The following ATP6V0A2 variants were observed in gnomAD, a reference collection of about 807,000 sequenced individuals.
ATP6V0A2 encodes the protein V-type proton ATPase 116 kDa subunit a 2.
ATP6V0A2 carries 58 observed loss-of-function variants against 104.4 expected under a neutral mutation model. That is an observed-to-expected ratio of 0.56 (90% CI 0.45 to 0.69). ATP6V0A2 has a LOEUF of 0.69. Ranked by LOEUF, ATP6V0A2 falls within the 30% of genes least tolerant of loss-of-function variation. ATP6V0A2 has a pLI of 0.00. For synonymous variants in ATP6V0A2, 376 were observed against 397.9 expected, an observed-to-expected ratio of 0.95 and a Z score of 0.65; for missense variants, 938 against 1,062.9, an observed-to-expected ratio of 0.88 and a Z score of 1.63.
At chr12:123,743,958 A>G (rs771642669) in intron 10 of ATP6V0A2, 23 bp downstream of exon 10, 7 of 1,613,896 alleles carry the variant, frequency 4.3e-6, no homozygotes, top group Middle Eastern at 3.3e-4. Flanking sequence ...ATTTGTAAAT[A>G]CCCGTATTTC....
chr12:123,743,810 C>G lies in ATP6V0A2; in HGVS notation c.1064C>G (p.Ser355Ter). 6.2e-7 allele frequency: 1 copy of G among 1,614,154 alleles called. No individual in the cohort carries two copies. The highest frequency in any genetic ancestry group is 8.5e-7 in the Non-Finnish European group (1 of 1,180,002). ...AGAGAGAGTGGTGCTACAATCCCCT[C>G]ATTCATGAATATAATCCCCACAAAA... ...GSRESGATIP[S>*]FMNIIPTKET... is the part of the protein sequence containing the mutation. The change falls in exon 10 of 20, where the codon TCA becomes TGA. Residue 355 changes from serine to a stop codon, truncating the protein, a stop_gained. Coordinates refer to ENST00000330342, the MANE Select transcript of ATP6V0A2 (RefSeq NM_012463.4). LOFTEE classifies it high-confidence loss of function.
In ATP6V0A2 at chr12:123,724,642, GT is replaced by G. The variant is rs773252881; in HGVS notation, c.295-8del. The stretch of plus-strand genomic sequence containing the variant: ...ATTACTACCCTCTTAAGTAACCATT[GT>G]TTTGTTTTAGGAGCAGTTGCAGAAG... On this transcript the variant is annotated splice_polypyrimidine_tract_variant and intron_variant, in intron 3 of 19. Coordinates refer to ENST00000330342, the MANE Select transcript of ATP6V0A2 (RefSeq NM_012463.4). 1 of 1,612,986 alleles carries G rather than the reference GT, an allele frequency of 6.2e-7. No homozygotes were observed. The highest frequency in any genetic ancestry group is 8.5e-7 in the Non-Finnish European group (1 of 1,179,288).
chr12:123,719,607 G>A (rs1367298872), intron 2 of ATP6V0A2, among the ~76,000 whole-genome samples: 2 of 151,732 alleles, frequency 1.3e-5, no homozygotes, highest in Non-Finnish European at 2.9e-5. Flanking sequence ...GGCTGGTCTT[G>A]AACTCCTTGT....
At chr12:123,757,018 T>C (rs1370650333) in intron 19 of ATP6V0A2, 32 bp downstream of exon 19, 4 of 1,613,414 alleles carry the variant, frequency 2.5e-6, no homozygotes, top group Non-Finnish European at 3.4e-6. Flanking sequence ...GGAGCTGTTA[T>C]TTAAAAAACA....
intron 9 of ATP6V0A2, among the ~76,000 whole-genome samples, chr12:123,741,078 C>T (rs1430737345): frequency 1.3e-5 from 2 of 151,980 alleles, no homozygotes; most frequent in African/African-American, 4.8e-5. Flanking sequence ...TGGCTTTTTT[C>T]TTCTTATGAC....
chr12:123,754,638 A>G, intron 18 of ATP6V0A2, 101 bp downstream of exon 18: 6 of 834,066 alleles, frequency 7.2e-6, no homozygotes, highest in Non-Finnish European at 1.2e-5. Context: ...TAGTCATAGC[A>G]CCATCTTTCA....
intron 2 of ATP6V0A2, among the ~76,000 whole-genome samples, chr12:123,720,759 T>C (rs1956391642): frequency 1.3e-5 from 2 of 151,938 alleles, no homozygotes; most frequent in Non-Finnish European, 2.9e-5. Flanking sequence ...CCAGGCATGG[T>C]GGTGCACATA....
intron 5 of ATP6V0A2, among the ~76,000 whole-genome samples, chr12:123,726,936 T>C (rs1015832268): frequency 4.6e-5 from 7 of 152,212 alleles, no homozygotes; most frequent in Admixed American, 3.9e-4. Flanking sequence ...GAATGTGAAT[T>C]TAAGCCTCAA....
In ATP6V0A2 at chr12:123,712,476, G is replaced by A. The variant is rs1444464255; in HGVS notation, c.-90G>A. 1.2e-6 allele frequency: 1 copy of A among 800,598 alleles called. No individual in the cohort carries two copies. The highest frequency in any genetic ancestry group is 1.9e-5 in the African/African-American group (1 of 53,468). 49.6% of individuals were successfully genotyped at this position (800,598 alleles called of 1,614,324 possible). On this transcript the variant is annotated 5_prime_UTR_variant, in exon 1 of 20. Transcript: ENST00000330342. The stretch of plus-strand genomic sequence containing the variant: ...CGGCCAGGCCACAGGAAGAGCTCGA[G>A]GCCCGGGCCGCACCGGCTGAGTGTG...
At chr12:123,746,112 A>G (rs1264056265) in intron 13 of ATP6V0A2, among the ~76,000 whole-genome samples, 1 of 152,214 alleles carries the variant, frequency 6.6e-6, no homozygotes, top group African/African-American at 2.4e-5. Flanking sequence ...TTGGAGCCAA[A>G]TTCAGTAATA....
intron 13 of ATP6V0A2, among the ~76,000 whole-genome samples, chr12:123,747,219 G>A (rs530252053): frequency 6.6e-6 from 1 of 152,312 alleles, no homozygotes; most frequent in South Asian, 2.1e-4. Flanking sequence ...ATGTAAATGT[G>A]TGATAACACA....
chr12:123,758,128 C>G lies in ATP6V0A2; in HGVS notation c.*96C>G. On this transcript the variant is annotated 3_prime_UTR_variant, in exon 20 of 20. Coordinates refer to ENST00000330342, the MANE Select transcript of ATP6V0A2 (RefSeq NM_012463.4). The stretch of plus-strand genomic sequence containing the variant: ...AGATTTATGATAGGAAAAATTCCAT[C>G]TTCATTACTGCCTTATGACATAGCC... 1 of 847,348 alleles carries G rather than the reference C, an allele frequency of 1.2e-6. No homozygotes were observed. Among genetic ancestry groups the G allele is most frequent in the Non-Finnish European group, 2.0e-6 (1 of 504,434 alleles). The allele number at this position is 847,348 out of a possible 1,614,324, so 52.5% of individuals were successfully genotyped here.
chr12:123,726,994 C>T (rs563464854), intron 5 of ATP6V0A2, among the ~76,000 whole-genome samples: 16 of 152,332 alleles, frequency 1.1e-4, no homozygotes, highest in African/African-American at 3.8e-4. Flanking sequence ...GGGAAGACTT[C>T]TCCCTCCATC....
chr12:123,723,395 A>G (rs1424060734), intron 3 of ATP6V0A2: 1 of 151,864 alleles, frequency 6.6e-6, no homozygotes, highest in Non-Finnish European at 1.5e-5. Context: ...TGCTTCTGTT[A>G]TTTTAATACT....
At position 123,754,475 on chromosome 12, in the gene ATP6V0A2, T is replaced by C. The variant is rs1238596757; in HGVS notation, c.2231T>C (p.Leu744Pro). Residue 744 changes from leucine to proline, a missense_variant, in exon 18 of 20, where the codon CTG (leucine) becomes CCG (proline). Transcript: ENST00000330342. ...GTAATCCATTCCATCGAGTACTGTC[T>C]GGGATGCATCTCCAACACCGCCTCC... ...TQVIHSIEYC[L>P]GCISNTASYL... The C allele has an allele frequency of 1.2e-6, 2 of 1,614,110 alleles. No homozygotes were observed. Among genetic ancestry groups the C allele is most frequent in the Non-Finnish European group, 1.7e-6 (2 of 1,180,042 alleles).
At chr12:123,718,523 A>G in intron 1 of ATP6V0A2, 100 bp from the exon 2 acceptor site, 1 of 813,316 alleles carries the variant, frequency 1.2e-6, no homozygotes, top group Non-Finnish European at 2.0e-6. Context: ...AATAGTATAC[A>G]AGAGTGTACA....
rs1448345309 is a variant in ATP6V0A2 at position 123,759,299 on chromosome 12, CTAA to C, written c.*1269_*1271del. ...GATTGCACTTATCCTTGAGAACAGTCTAATGATACTTTTTTTACTTTCAGACTG... is the reference window on the plus strand; with the variant it reads ...GATTGCACTTATCCTTGAGAACAGTCTGATACTTTTTTTACTTTCAGACTG... On this transcript the variant is annotated 3_prime_UTR_variant, in exon 20 of 20. Transcript: ENST00000330342. 1.3e-5 allele frequency: 2 copies of C among 152,164 alleles called. No individual in the cohort carries two copies. The highest frequency in any genetic ancestry group is 4.8e-5 in the African/African-American group (2 of 41,440). The allele number at this position is 152,164 out of a possible 1,614,324, so 9.4% of individuals were successfully genotyped here. A position where few individuals can be genotyped will look rare whatever the true frequency, so the allele number is the denominator to read the frequency against.
intron 6 of ATP6V0A2, among the ~76,000 whole-genome samples, chr12:123,728,438 G>A (rs1374579582): frequency 6.8e-6 from 1 of 148,126 alleles, no homozygotes; most frequent in Non-Finnish European, 1.5e-5. Context: ...GGTAGAGATG[G>A]GGATCTTAAC....
intron 3 of ATP6V0A2, chr12:123,723,293 G>A (rs1257906397): frequency 6.6e-6 from 1 of 152,124 alleles, no homozygotes; most frequent in African/African-American, 2.4e-5. Context: ...TACAGTGCTT[G>A]TAAGGCAAAG....
Sources: gnomAD v4.1 joint callset for allele counts (sites outside exome capture counted in the v4.1 genomes callset) on GRCh38, gnomAD v4.1.1 for gene constraint, MANE v1.5 for transcripts, NCBI Gene and HGNC (gene_info 2026-07-23, HGNC 2026-07-21) for gene names.